HTR2C: variants seen among roughly 807,000 people sequenced by gnomAD.
HTR2C encodes 5-hydroxytryptamine (serotonin) receptor 2C, G protein-coupled.
A neutral mutation model predicts 21.0 loss-of-function variants in HTR2C; 5 were observed. That is an observed-to-expected ratio of 0.24 (90% CI 0.12 to 0.50). The LOEUF is 0.50. HTR2C is among the 20% of genes least tolerant of loss of function. HTR2C has a pLI of 0.98. For synonymous variants in HTR2C, 150 were observed against 145.3 expected (o/e 1.03, Z -0.23); for missense variants, 271 against 371.2 (o/e 0.73, Z 2.22).
intron 2 of HTR2C, among the ~76,000 whole-genome samples, chrX:114,647,415 T>A (rs1930403903): frequency 8.9e-6 from 1 of 111,856 alleles, no homozygotes; most frequent in Admixed American, 9.5e-5. Context: ...CATGCTTTGA[T>A]TTACATTTTC....
At chrX:114,813,570 C>G (rs2070554922) in intron 4 of HTR2C, among the ~76,000 whole-genome samples, 1 of 111,870 alleles carries the variant, frequency 8.9e-6, no homozygotes, top group African/African-American at 3.3e-5. Flanking sequence ...TGCTACCAGA[C>G]AGAAGTAAGT....
chrX:114,682,368 A>G (rs1160225132), intron 2 of HTR2C, among the ~76,000 whole-genome samples: 1 of 111,456 alleles, frequency 9.0e-6, no homozygotes, highest in Non-Finnish European at 1.9e-5. Context: ...GAGTAATACT[A>G]TTTTCATTAG....
chrX:114,642,119 C>G (rs1414081378), intron 2 of HTR2C, among the ~76,000 whole-genome samples: 1 of 111,937 alleles, frequency 8.9e-6, no homozygotes, highest in East Asian at 2.8e-4. Flanking sequence ...TGTATATGTA[C>G]CACATTTTCT....
intron 4 of HTR2C, among the ~76,000 whole-genome samples, chrX:114,820,728 G>C (rs184394685): frequency 9.9e-5 from 11 of 110,730 alleles, no homozygotes; most frequent in African/African-American, 2.3e-4. Context: ...CTGCTGCCAT[G>C]TAAGAAGGGC....
At chrX:114,702,274 T>C (rs1556416974) in intron 2 of HTR2C, among the ~76,000 whole-genome samples, 2 of 107,811 alleles carry the variant, frequency 1.9e-5, no homozygotes, top group East Asian at 2.9e-4. Flanking sequence ...TCACCAAAGT[T>C]GAAATGAAGG....
chrX:114,754,707 C>G (rs782256133), intron 4 of HTR2C, among the ~76,000 whole-genome samples: 41 of 110,756 alleles, frequency 3.7e-4, no homozygotes, highest in African/African-American at 1.3e-3. Context: ...TTTTCAGAAT[C>G]TAGGGCTTGG....
rs150843817 is a variant in HTR2C, at chrX:114,669,576, T to C, written c.-80+55695T>C. Among the ~76,000 whole-genome samples, 857 of 111,554 alleles carry C rather than the reference T, an allele frequency of 7.7e-3. 11 individuals carry two copies. The highest frequency in any genetic ancestry group is 0.026 in the African/African-American group (812 of 30,648). ...TAAGAGTGGTGGCACGTGCCTGTAA[T>C]CCCAACTACTCAGGAGGCTGAGGCA... On this transcript the variant is annotated intron_variant, in intron 2 of 5. Transcript: ENST00000276198.
intron 2 of HTR2C, among the ~76,000 whole-genome samples, chrX:114,697,090 T>C (rs1425033863): frequency 8.9e-6 from 1 of 112,123 alleles, no homozygotes; most frequent in Admixed American, 9.5e-5. Flanking sequence ...AAATTTCCTT[T>C]CCATGATCTG....
chrX:114,814,698 A>G (rs2070564861), intron 4 of HTR2C, among the ~76,000 whole-genome samples: 2 of 105,777 alleles, frequency 1.9e-5, no homozygotes, highest in Admixed American at 1.1e-4. Context: ...ACCTGTGTTC[A>G]TCTACCAAGT....
At chrX:114,730,318 A>T (rs1310169741) in intron 3 of HTR2C, among the ~76,000 whole-genome samples, 1 of 112,017 alleles carries the variant, frequency 8.9e-6, no homozygotes, top group African/African-American at 3.2e-5. Flanking sequence ...AATCTACCAA[A>T]GGACCATCAT....
At chrX:114,802,718 C>CTT (rs1156856737) in intron 4 of HTR2C, among the ~76,000 whole-genome samples, 1 of 99,754 alleles carries the variant, frequency 1.0e-5, no homozygotes, top group Non-Finnish European at 2.0e-5. Context: ...TTCTTTCTTT[C>CTT]TTTCTTTCTT....
intron 1 of HTR2C, among the ~76,000 whole-genome samples, chrX:114,604,476 T>G (rs1398416163): frequency 1.8e-5 from 2 of 109,439 alleles, no homozygotes; most frequent in Non-Finnish European, 3.8e-5. Flanking sequence ...AAGAAGGTAA[T>G]CACTTACCTT....
chrX:114,600,794 C>G (rs1928054357), intron 1 of HTR2C, among the ~76,000 whole-genome samples: 1 of 111,061 alleles, frequency 9.0e-6, no homozygotes, highest in South Asian at 3.8e-4. Flanking sequence ...TTAACGAGTT[C>G]AAATCTAAAC....
intron 4 of HTR2C, among the ~76,000 whole-genome samples, chrX:114,754,277 T>C (rs1201893845): frequency 4.5e-5 from 5 of 111,692 alleles, no homozygotes; most frequent in Non-Finnish European, 9.4e-5. Context: ...AAAAAGGATT[T>C]TAAGACATGA....
chrX:114,602,822 T>TC (rs1928184862), intron 1 of HTR2C, among the ~76,000 whole-genome samples: 1 of 70,301 alleles, frequency 1.4e-5, no homozygotes, highest in Admixed American at 1.8e-4. Flanking sequence ...CAGTCCTGGG[T>TC]GGGGCAAATC....
At chrX:114,860,621 T>C (rs1224392629) in intron 5 of HTR2C, among the ~76,000 whole-genome samples, 5 of 12,783 alleles carry the variant, frequency 3.9e-4, no homozygotes, top group Non-Finnish European at 9.6e-4. Flanking sequence ...TTTTGTTAGT[T>C]TTTTCTTTGT....
At chrX:114,723,447 T>C (rs1422083277) in intron 2 of HTR2C, among the ~76,000 whole-genome samples, 1 of 111,556 alleles carries the variant, frequency 9.0e-6, no homozygotes, top group Non-Finnish European at 1.9e-5. Flanking sequence ...TCAATTTTGT[T>C]GATCCTTTCA....
intron 2 of HTR2C, among the ~76,000 whole-genome samples, chrX:114,618,343 T>C (rs1218479197): frequency 8.9e-6 from 1 of 112,285 alleles, no homozygotes; most frequent in African/African-American, 3.2e-5. Context: ...GGTTTCAAAG[T>C]TACATGTTCA....
intron 4 of HTR2C, among the ~76,000 whole-genome samples, chrX:114,777,718 TG>T (rs1556439014): frequency 9.0e-6 from 1 of 111,034 alleles, no homozygotes; most frequent in African/African-American, 3.3e-5. Flanking sequence ...CCACCACACC[TG>T]GCTAATTTTT....
Sources: allele counts gnomAD v4.1 joint callset (sites outside exome capture counted in the v4.1 genomes callset), GRCh38; gene constraint gnomAD v4.1.1; transcripts MANE v1.5; gene names NCBI Gene and HGNC (gene_info 2026-07-23, HGNC 2026-07-21).